Variants in GRB10 observed in about 807,000 individuals in gnomAD.
GRB10 encodes growth factor receptor-bound protein 10.
In GRB10, 20 loss-of-function variants were observed where a neutral mutation model predicts 80.9. The observed-to-expected ratio is 0.25, with a 90% CI of 0.17 to 0.36. GRB10 has a LOEUF of 0.36. Ranked by LOEUF, GRB10 falls within the 10% of genes least tolerant of loss-of-function variation. The pLI is 1.00. For missense variants in GRB10, 548 were observed against 747.7 expected (o/e 0.73, Z 3.12); for synonymous variants, 291 against 291.5 (o/e 1.00, Z 0.02).
At chr7:50,620,326 C>T (rs1282156739) in intron 8 of GRB10, among the ~76,000 whole-genome samples, 2 of 152,178 alleles carry the variant, frequency 1.3e-5, no homozygotes, top group Non-Finnish European at 2.9e-5. Context: ...TCCTCTCCTG[C>T]AGCCAGACTG....
intron 13 of GRB10, 143 bp from the exon 14 acceptor site, chr7:50,606,557 C>A: frequency 1.4e-6 from 1 of 711,146 alleles, no homozygotes. Flanking sequence ...CTGAGTGCCG[C>A]TGACCCTGAT....
In GRB10 at chr7:50,614,795, G is replaced by A. The variant is rs1244393051; in HGVS notation, c.1070C>T (p.Pro357Leu). Residue 357 changes from proline to leucine, a missense_variant, in exon 12 of 19, where the codon CCT becomes CTT. Transcript: ENST00000401949. ...CTTTATGCAGAGCCCGTGGTCTGTAGGGGCGTTGTACTGCTTCCTGCCAGC... is the reference window on the plus strand; with the variant it reads ...CTTTATGCAGAGCCCGTGGTCTGTAAGGGCGTTGTACTGCTTCCTGCCAGC... ...LIAGRKQYNAPTDHGLCIKPN... is the reference protein window; with the variant it reads ...LIAGRKQYNALTDHGLCIKPN... 6.2e-7 allele frequency: 1 copy of A among 1,613,688 alleles called. No homozygotes were observed.
chr7:50,682,685 G>A (rs2061677583), intron 5 of GRB10, among the ~76,000 whole-genome samples: 1 of 152,190 alleles, frequency 6.6e-6, no homozygotes, highest in Admixed American at 6.5e-5. Flanking sequence ...TCAGAAATGA[G>A]TATTTACACT....
intron 13 of GRB10, among the ~76,000 whole-genome samples, chr7:50,610,245 T>C (rs2049273637): frequency 6.6e-6 from 1 of 152,216 alleles, no homozygotes. Flanking sequence ...ATCCCGGTTA[T>C]CATTTCTGTA....
At chr7:50,718,074 T>G (rs753329105) in intron 4 of GRB10, among the ~76,000 whole-genome samples, 2 of 152,100 alleles carry the variant, frequency 1.3e-5, no homozygotes, top group Non-Finnish European at 2.9e-5. Context: ...TCCAGCCCAC[T>G]GACTAAGTGC....
At chr7:50,748,640 C>T (rs1218842360) in intron 3 of GRB10, among the ~76,000 whole-genome samples, 4 of 152,114 alleles carry the variant, frequency 2.6e-5, no homozygotes, top group African/African-American at 4.8e-5. Context: ...AACAATACCC[C>T]GAGTGTCACT....
At chr7:50,624,288 A>G (rs746435908) in intron 8 of GRB10, among the ~76,000 whole-genome samples, 1 of 152,236 alleles carries the variant, frequency 6.6e-6, no homozygotes, top group Non-Finnish European at 1.5e-5. Flanking sequence ...TTGGAGGGCC[A>G]GAAGGGCCCA....
intron 7 of GRB10, chr7:50,645,647 G>A: frequency 4.1e-6 from 4 of 985,134 alleles, no homozygotes; most frequent in Non-Finnish European, 4.8e-6. Flanking sequence ...AGGTCTCCAG[G>A]CAGATCTGAA....
At chr7:50,759,228 T>C (rs975838278) in intron 2 of GRB10, among the ~76,000 whole-genome samples, 1 of 151,654 alleles carries the variant, frequency 6.6e-6, no homozygotes, top group Non-Finnish European at 1.5e-5. Flanking sequence ...ATGCCAAACT[T>C]CACACCACTT....
intron 4 of GRB10, among the ~76,000 whole-genome samples, chr7:50,707,032 T>A (rs1291956029): frequency 6.6e-6 from 1 of 152,244 alleles, no homozygotes; most frequent in East Asian, 1.9e-4. Context: ...TGCATGTCTT[T>A]AAATTTAATT....
At chr7:50,660,998 G>A (rs1368194709) in intron 7 of GRB10, among the ~76,000 whole-genome samples, 1 of 152,226 alleles carries the variant, frequency 6.6e-6, no homozygotes, top group Non-Finnish European at 1.5e-5. Context: ...CTGTGGAGGT[G>A]CTAAGAGTAA....
chr7:50,639,622 G>C (rs1009335129), intron 7 of GRB10, among the ~76,000 whole-genome samples: 7 of 151,662 alleles, frequency 4.6e-5, no homozygotes, highest in African/African-American at 1.7e-4. Flanking sequence ...GCAGTGAGCC[G>C]AGATTGCGCC....
At chr7:50,599,434 T>C (rs753928841) in intron 17 of GRB10, among the ~76,000 whole-genome samples, 2 of 152,218 alleles carry the variant, frequency 1.3e-5, no homozygotes, top group Non-Finnish European at 2.9e-5. Context: ...AAATGGATTA[T>C]TTACCTTGTT....
chr7:50,727,391 T>C (rs2068822362), intron 4 of GRB10, among the ~76,000 whole-genome samples: 1 of 152,236 alleles, frequency 6.6e-6, no homozygotes, highest in African/African-American at 2.4e-5. Context: ...GGTTGACATC[T>C]TGTTCACCTG....
chr7:50,647,175 A>G (rs2057323661), intron 7 of GRB10, among the ~76,000 whole-genome samples: 3 of 152,194 alleles, frequency 2.0e-5, no homozygotes, highest in Admixed American at 2.0e-4. Flanking sequence ...GTCTAAATAG[A>G]GACCTTGGTT....
chr7:50,641,276 A>AAG (rs377198528), intron 7 of GRB10, among the ~76,000 whole-genome samples: 3,881 of 148,050 alleles, frequency 0.026, 184 homozygotes, highest in African/African-American at 0.08. Context: ...TCATCAAAAA[A>AAG]GGTGGGGGGG....
intron 15 of GRB10, 59 bp downstream of exon 15, chr7:50,605,231 C>G (rs577445390): frequency 4.6e-6 from 6 of 1,312,036 alleles, no homozygotes; most frequent in African/African-American, 2.9e-5. Context: ...GAGAAGACCA[C>G]GTGGTGGGGC....
chr7:50,637,943 C>T (rs2055389781), intron 7 of GRB10, among the ~76,000 whole-genome samples: 1 of 152,118 alleles, frequency 6.6e-6, no homozygotes, highest in Non-Finnish European at 1.5e-5. Context: ...CAAAAATAAA[C>T]AATGGCAAAA....
At chr7:50,712,623 G>T (rs989730552) in intron 4 of GRB10, among the ~76,000 whole-genome samples, 2 of 152,194 alleles carry the variant, frequency 1.3e-5, no homozygotes, top group African/African-American at 4.8e-5. Flanking sequence ...AAAACACACA[G>T]ATCAGTGGCT....
Sources: gnomAD v4.1 joint callset for allele counts (sites outside exome capture counted in the v4.1 genomes callset) on GRCh38, gnomAD v4.1.1 for gene constraint, MANE v1.5 for transcripts, NCBI Gene and HGNC (gene_info 2026-07-23, HGNC 2026-07-21) for gene names.